The following ELMOD1 variants were observed in gnomAD, a reference collection of about 807,000 sequenced individuals.
ELMOD1 encodes the protein ELMO domain containing 1.
ELMOD1 carries 21 observed loss-of-function variants against 46.7 expected under a neutral mutation model. That is an observed-to-expected ratio of 0.45 (90% confidence interval 0.32 to 0.65). The LOEUF (loss-of-function observed/expected upper bound fraction) is 0.65, where lower values mean the gene tolerates loss of function less well. Among genes scored for constraint, ELMOD1 ranks in the 30% least tolerant of loss-of-function variants. ELMOD1 has a pLI of 0.04. For missense variants in ELMOD1, 348 were observed against 407.8 expected (o/e 0.85, Z 1.26); for synonymous variants, 122 against 138.2 (o/e 0.88, Z 0.82).
intron 6 of ELMOD1, among the ~76,000 whole-genome samples, chr11:107,639,140 C>A (rs1866278483): frequency 1.3e-5 from 2 of 151,868 alleles, no homozygotes; most frequent in South Asian, 4.2e-4. Context: ...TAGAGTGTGA[C>A]CTTTCTAAAA....
At chr11:107,642,431 C>T (rs144691357) in intron 6 of ELMOD1, among the ~76,000 whole-genome samples, 23 of 152,138 alleles carry the variant, frequency 1.5e-4, no homozygotes, top group African/African-American at 4.1e-4. Flanking sequence ...TGCAGTGGCA[C>T]GATCTCGGCT....
At chr11:107,615,913 C>T (rs1865854781) in intron 1 of ELMOD1, among the ~76,000 whole-genome samples, 1 of 150,924 alleles carries the variant, frequency 6.6e-6, no homozygotes, top group South Asian at 2.1e-4. Flanking sequence ...AGGTTACATG[C>T]TATCAACATG....
intron 1 of ELMOD1, among the ~76,000 whole-genome samples, chr11:107,607,089 C>G (rs1280939630): frequency 6.6e-6 from 1 of 152,132 alleles, no homozygotes; most frequent in Admixed American, 6.5e-5. Context: ...CTCACCCAGA[C>G]AATAGCCATC....
chr11:107,611,704 CAAAAAAAA>C (rs71470853), intron 1 of ELMOD1, among the ~76,000 whole-genome samples: 4 of 55,794 alleles, frequency 7.2e-5, no homozygotes, highest in African/African-American at 2.8e-4. Flanking sequence ...GACTCCATCT[CAAAAAAAA>C]AAAAAAAAAA....
intron 8 of ELMOD1, 107 bp from the exon 9 acceptor site, chr11:107,650,778 C>T (rs1259308504): frequency 2.6e-6 from 2 of 784,002 alleles, no homozygotes; most frequent in Non-Finnish European, 1.9e-6. Flanking sequence ...GTGAGAACAT[C>T]TGGAATTACT....
intron 2 of ELMOD1, among the ~76,000 whole-genome samples, chr11:107,621,695 A>G (rs1865951673): frequency 6.6e-6 from 1 of 152,184 alleles, no homozygotes; most frequent in Non-Finnish European, 1.5e-5. Context: ...TTACCCCATT[A>G]CTGTGAGCCC....
At chr11:107,654,311 T>C (rs747192205) in intron 10 of ELMOD1, 89 bp downstream of exon 10, 87 of 1,121,732 alleles carry the variant, frequency 7.8e-5, no homozygotes, top group Middle Eastern at 3.9e-4. Flanking sequence ...AGGGTGAAAC[T>C]CTACTTGTCC....
intron 11 of ELMOD1, among the ~76,000 whole-genome samples, chr11:107,664,518 TG>T (rs1277484137): frequency 1.3e-5 from 2 of 152,240 alleles, no homozygotes; most frequent in Non-Finnish European, 1.5e-5. Context: ...ACGACCAGTC[TG>T]TGTTGTTCAG....
chr11:107,652,654 G>A (rs891364637), intron 9 of ELMOD1, among the ~76,000 whole-genome samples: 4 of 152,124 alleles, frequency 2.6e-5, no homozygotes, highest in Non-Finnish European at 5.9e-5. Context: ...GTTTGGATAT[G>A]AATCTTTAAG....
intron 1 of ELMOD1, among the ~76,000 whole-genome samples, chr11:107,597,122 T>C (rs1160673508): frequency 1.3e-5 from 2 of 152,136 alleles, no homozygotes; most frequent in African/African-American, 4.8e-5. Context: ...GACCATGACA[T>C]TTCTACAATT....
chr11:107,632,179 C>T (rs1866152753), intron 5 of ELMOD1, among the ~76,000 whole-genome samples: 1 of 152,186 alleles, frequency 6.6e-6, no homozygotes, highest in African/African-American at 2.4e-5. Flanking sequence ...TTTAGAACTT[C>T]ATAATTTATT....
At chr11:107,646,948 ATC>A (rs1565386831) in intron 6 of ELMOD1, among the ~76,000 whole-genome samples, 11 of 58,242 alleles carry the variant, frequency 1.9e-4, no homozygotes, top group African/African-American at 8.3e-4. Context: ...TATCTAATCT[ATC>A]TATCTATCTA....
intron 6 of ELMOD1, among the ~76,000 whole-genome samples, chr11:107,640,190 A>G (rs937457291): frequency 6.6e-6 from 1 of 152,102 alleles, no homozygotes; most frequent in African/African-American, 2.4e-5. Flanking sequence ...TTAAATAGGA[A>G]ATATACAGAT....
Position 107,663,787 on chromosome 11 carries a change from A to AT in ELMOD1, c.833-1231dup, listed in dbSNP as rs1337835259. Among the ~76,000 whole-genome samples the AT allele has an allele frequency of 3.9e-5, 6 of 152,190 alleles. No individual in the cohort carries two copies. In the East Asian group the frequency reaches 7.7e-4, roughly 20 times the overall value. ...GTTACTAGAAAAACAAAAAGTATTG[A>AT]TTTTTTTGTACTATTAGAATTAAGT... On this transcript the variant is annotated intron_variant, in intron 11 of 11. Coordinates refer to ENST00000265840, the MANE Select transcript of ELMOD1 (RefSeq NM_018712.4).
At chr11:107,662,651 G>A (rs185544292) in intron 11 of ELMOD1, among the ~76,000 whole-genome samples, 72 of 149,624 alleles carry the variant, frequency 4.8e-4, no homozygotes, top group Admixed American at 9.3e-4. Context: ...TAAGCCAGGC[G>A]TGGTGGCTCA....
chr11:107,637,383 T>C (rs1866246944), intron 6 of ELMOD1, among the ~76,000 whole-genome samples: 1 of 152,152 alleles, frequency 6.6e-6, no homozygotes, highest in Non-Finnish European at 1.5e-5. Flanking sequence ...TTGGGGCATA[T>C]TGTTCACCTT....
intron 1 of ELMOD1, among the ~76,000 whole-genome samples, chr11:107,607,710 C>T (rs185620937): frequency 6.6e-6 from 1 of 152,094 alleles, no homozygotes; most frequent in African/African-American, 2.4e-5. Context: ...TGGTATTGAA[C>T]CAAACTCGCT....
chr11:107,661,747 A>G (rs1866743254), intron 11 of ELMOD1, among the ~76,000 whole-genome samples: 1 of 152,230 alleles, frequency 6.6e-6, no homozygotes, highest in African/African-American at 2.4e-5. Context: ...TTAGTGACAC[A>G]AGTTTCATCT....
intron 11 of ELMOD1, among the ~76,000 whole-genome samples, chr11:107,664,683 A>G (rs565817359): frequency 6.6e-6 from 1 of 152,126 alleles, no homozygotes; most frequent in Non-Finnish European, 1.5e-5. Context: ...CATTAATTTA[A>G]TTAGGAGGAG....
Sources: gnomAD v4.1 joint callset for allele counts (sites outside exome capture counted in the v4.1 genomes callset) on GRCh38, gnomAD v4.1.1 for gene constraint, MANE v1.5 for transcripts, NCBI Gene and HGNC (gene_info 2026-07-23, HGNC 2026-07-21) for gene names.